Variants in ACAT1 observed in about 807,000 individuals in gnomAD.
The protein encoded by ACAT1 is acetyl-CoA acetyltransferase 1, also known as acetyl-CoA acetyltransferase, mitochondrial.
A neutral mutation model predicts 47.3 loss-of-function variants in ACAT1; 28 were observed. The ratio of observed to expected loss-of-function variants is 0.59; its 90% CI spans 0.44 to 0.81. The LOEUF (loss-of-function observed/expected upper bound fraction) is 0.81, where lower values mean the gene tolerates loss of function less well. Ranked by LOEUF, ACAT1 falls within the 30% of genes least tolerant of loss-of-function variation. The probability of loss-of-function intolerance (pLI) is 0.00; values close to 1 mark genes in which losing one functional copy is unlikely to be tolerated. For synonymous variants in ACAT1, 181 were observed against 173.6 expected, an observed-to-expected ratio of 1.04 and a Z score of -0.34; for missense variants, 469 against 524.3, an observed-to-expected ratio of 0.89 and a Z score of 1.03.
intron 1 of ACAT1, among the ~76,000 whole-genome samples, chr11:108,130,450 G>A (rs1308836846): frequency 1.3e-5 from 2 of 152,108 alleles, no homozygotes; most frequent in Non-Finnish European, 2.9e-5. Context: ...CTGGAGTACA[G>A]TGGCGTGATC....
chr11:108,121,212 A>G, upstream of ACAT1: 1 of 302,500 alleles, frequency 3.3e-6, no homozygotes, highest in Non-Finnish European at 6.4e-6. Flanking sequence ...AAAAAAAAAA[A>G]AAAAATCCTA....
chr11:108,134,641 GAAAAAA>G (rs71047674), intron 4 of ACAT1, among the ~76,000 whole-genome samples: 2 of 64,106 alleles, frequency 3.1e-5, no homozygotes, highest in South Asian at 1.1e-3. Context: ...CTGTCTGAAA[GAAAAAA>G]AAAAAAAAAA....
chr11:108,139,141 TATAA>T (rs1255498775), intron 6 of ACAT1, 100 bp downstream of exon 6: 333 of 1,461,904 alleles, frequency 2.3e-4, no homozygotes, highest in Non-Finnish European at 9.5e-6. Flanking sequence ...AGATGGGCTC[TATAA>T]ATGTTGATTT....
At chr11:108,145,139 A>G (rs2077678335) in intron 10 of ACAT1, among the ~76,000 whole-genome samples, 2 of 152,096 alleles carry the variant, frequency 1.3e-5, no homozygotes, top group Admixed American at 6.6e-5. Context: ...TAATGTTTTA[A>G]AAAGTATTAG....
rs144458851 is a variant in ACAT1 at position 108,141,922 on chromosome 11, T to C, written c.826+222T>C. Reference sequence around the variant, plus strand: ...CATGACTATAGAATTCAGTTTTTCATATGTAGCAGTCTATGATAGGGTCTT... The same window carrying C: ...CATGACTATAGAATTCAGTTTTTCACATGTAGCAGTCTATGATAGGGTCTT... On this transcript the variant is annotated intron_variant, in intron 8 of 11. Coordinates refer to ENST00000265838, the MANE Select transcript of ACAT1 (RefSeq NM_000019.4). Among the ~76,000 whole-genome samples the C allele has an allele frequency of 6.2e-3, 952 of 152,332 alleles. 9 individuals are homozygous for C. Among genetic ancestry groups the C allele is most frequent in the African/African-American group, 0.02 (848 of 41,566 alleles).
At chr11:108,131,759 T>G (rs1331882167) in intron 1 of ACAT1, 148 bp from the exon 2 acceptor site, 5 of 317,846 alleles carry the variant, frequency 1.6e-5, no homozygotes, top group Non-Finnish European at 3.0e-5. Flanking sequence ...TTCTAATTGT[T>G]AAAAGTGATA....
At chr11:108,134,842 G>A (rs1175036941) in intron 4 of ACAT1, among the ~76,000 whole-genome samples, 1 of 150,378 alleles carries the variant, frequency 6.6e-6, no homozygotes, top group Non-Finnish European at 1.5e-5. Context: ...CTACTCCGGA[G>A]GCTGAGGCAG....
upstream of ACAT1, among the ~76,000 whole-genome samples, chr11:108,118,161 T>C (rs1864986640): frequency 6.6e-6 from 1 of 152,108 alleles, no homozygotes; most frequent in Non-Finnish European, 1.5e-5. Context: ...CTCACACCTG[T>C]AATCCCAGCA....
chr11:108,129,988 G>A (rs1448010049), intron 1 of ACAT1, among the ~76,000 whole-genome samples: 1 of 152,144 alleles, frequency 6.6e-6, no homozygotes, highest in Non-Finnish European at 1.5e-5. Flanking sequence ...CAGAACCCAA[G>A]CTAGAAAATC....
intron 1 of ACAT1, among the ~76,000 whole-genome samples, chr11:108,124,118 G>A (rs1433209983): frequency 2.6e-5 from 4 of 152,168 alleles, no homozygotes; most frequent in Non-Finnish European, 5.9e-5. Context: ...AGAATAATTT[G>A]TCTGTCTGTC....
At position 108,146,411 on chromosome 11, in the gene ACAT1, A is replaced by T. The variant is rs529743062; in HGVS notation, c.1163+52A>T. 73 of 1,594,864 alleles carry T rather than the reference A, an allele frequency of 4.6e-5. 1 individual carries two copies. The South Asian group carries it at 7.3e-4, about 16-fold the overall frequency. On this transcript the variant is annotated intron_variant, in intron 11 of 11. Coordinates refer to ENST00000265838, the MANE Select transcript of ACAT1 (RefSeq NM_000019.4). ...GGTTAAGAGCTGCCTTTGTGTTTCT[A>T]GCTAAACTTAAAACTGCTTCATAAT...
At chr11:108,142,673 C>T in intron 9 of ACAT1, 123 bp downstream of exon 9, 1 of 770,798 alleles carries the variant, frequency 1.3e-6, no homozygotes, top group Non-Finnish European at 2.2e-6. Context: ...TTCGTCTCTA[C>T]AAAAAGTTAA....
intron 1 of ACAT1, among the ~76,000 whole-genome samples, chr11:108,126,517 A>G (rs184469081): frequency 6.6e-6 from 1 of 152,322 alleles, no homozygotes; most frequent in East Asian, 1.9e-4. Flanking sequence ...TATTTTAAGC[A>G]GTAGAGTGAT....
At position 108,147,492 on chromosome 11, in the gene ACAT1, T is replaced by G; in HGVS notation, c.*102T>G. The G allele has an allele frequency of 7.2e-7, 1 of 1,393,666 alleles. No homozygotes were observed. Among genetic ancestry groups the G allele is most frequent in the South Asian group, 1.2e-5 (1 of 81,522 alleles). 86.3% of individuals were successfully genotyped at this position (1,393,666 alleles called of 1,614,324 possible). On this transcript the variant is annotated 3_prime_UTR_variant, in exon 12 of 12. Coordinates refer to ENST00000265838, the MANE Select transcript of ACAT1 (RefSeq NM_000019.4). ...GCTTATATTCAGATAAGCTGTTTCA[T>G]TTTTTATTATTTTCTATGTTAACTT...
intron 8 of ACAT1, among the ~76,000 whole-genome samples, chr11:108,142,023 G>A (rs548753535): frequency 6.6e-6 from 1 of 152,112 alleles, no homozygotes. Context: ...AAAGTGGTTT[G>A]GTAGTTTTTA....
intron 1 of ACAT1, chr11:108,127,886 C>T (rs1265676192): frequency 6.6e-6 from 1 of 152,210 alleles, no homozygotes; most frequent in African/African-American, 2.4e-5. Context: ...AAATACTCAG[C>T]TTGCAGGGCA....
chr11:108,145,914 G>A (rs2077698148), intron 10 of ACAT1, among the ~76,000 whole-genome samples: 1 of 152,120 alleles, frequency 6.6e-6, no homozygotes, highest in Non-Finnish European at 1.5e-5. Context: ...GGGCATGGTG[G>A]TGGGCATCTG....
In ACAT1 at chr11:108,135,191, A is replaced by G. The variant is rs374439037; in HGVS notation, c.384A>G (p.Ser128=). ...CCACCATAAACAAAGTTTGTGCTTC[A>G]GGAATGAAAGCCATCATGATGGCCT... is the stretch of plus-strand genomic sequence containing the variant. The part of the protein sequence containing the change: ...PCTTINKVCA[S]GMKAIMMASQ... The change falls in exon 5 of 12, where the codon TCA becomes TCG. Residue 128 remains serine, a synonymous_variant. Coordinates refer to ENST00000265838, the MANE Select transcript of ACAT1 (RefSeq NM_000019.4). 15 of 1,613,838 alleles carry G rather than the reference A, an allele frequency of 9.3e-6. No individual in the cohort carries two copies. Among genetic ancestry groups the G allele is most frequent in the Admixed American group, 1.7e-5 (1 of 59,998 alleles).
At chr11:108,124,738 G>A (rs1466160899) in intron 1 of ACAT1, among the ~76,000 whole-genome samples, 1 of 152,180 alleles carries the variant, frequency 6.6e-6, no homozygotes, top group Non-Finnish European at 1.5e-5. Flanking sequence ...GGCCTCAGCT[G>A]CTGCCGTGCT....
Sources: gnomAD v4.1 joint callset for allele counts (sites outside exome capture counted in the v4.1 genomes callset) on GRCh38, gnomAD v4.1.1 for gene constraint, MANE v1.5 for transcripts, NCBI Gene and HGNC (gene_info 2026-07-23, HGNC 2026-07-21) for gene names.